The following PKHD1 variants were observed in gnomAD, a reference collection of about 807,000 sequenced individuals.
The protein encoded by PKHD1 is PKHD1 ciliary IPT domain containing fibrocystin/polyductin.
A neutral mutation model predicts 412.0 loss-of-function variants in PKHD1; 291 were observed. That is an observed-to-expected ratio of 0.71 (90% CI 0.64 to 0.78). The LOEUF is 0.78. PKHD1 is among the 30% of genes least tolerant of loss of function. PKHD1 has a pLI of 0.00. For synonymous variants in PKHD1, 1,777 were observed against 1,821.5 expected, an observed-to-expected ratio of 0.98 and a Z score of 0.62; for missense variants, 4,825 against 4,950.7, an observed-to-expected ratio of 0.97 and a Z score of 0.76.
Position 51,659,483 on chromosome 6 carries a change from T to G in PKHD1, c.10643A>C (p.Gln3548Pro), listed in dbSNP as rs781344865. ...IMDNLLYVVLQGEEPIEIRSG... is the reference protein window; with the variant it reads ...IMDNLLYVVLPGEEPIEIRSG... The stretch of plus-strand genomic sequence containing the variant: ...GCGTATTTCAATGGGCTCCTCTCCT[T>G]GTAGGACAACATACAAGAGGTTATC... The change falls in exon 61 of 67, where the codon CAA becomes CCA. Residue 3548 changes from glutamine to proline, a missense_variant. Gln to Pro is a moderately conservative substitution (Grantham distance 76). Transcript: ENST00000371117. 6.2e-6 allele frequency: 10 copies of G among 1,613,518 alleles called. No homozygotes were observed. The highest frequency in any genetic ancestry group is 8.5e-6 in the Non-Finnish European group (10 of 1,179,796).
At chr6:51,938,914 A>C (rs1348491926) in intron 36 of PKHD1, among the ~76,000 whole-genome samples, 2 of 151,472 alleles carry the variant, frequency 1.3e-5, no homozygotes, top group South Asian at 2.1e-4. Context: ...CCACACTTCA[A>C]TCTCTCTCTT....
chr6:51,928,371 A>T (rs1786022243), intron 37 of PKHD1, among the ~76,000 whole-genome samples: 2 of 152,192 alleles, frequency 1.3e-5, no homozygotes, highest in South Asian at 4.1e-4. Context: ...AATAAAATCT[A>T]TTCTGAGTCA....
At chr6:51,794,998 T>C (rs1254202767) in intron 52 of PKHD1, among the ~76,000 whole-genome samples, 1 of 152,232 alleles carries the variant, frequency 6.6e-6, no homozygotes, top group Non-Finnish European at 1.5e-5. Flanking sequence ...AGGATTGCCT[T>C]GGCTATTCGG....
chr6:51,897,542 C>T (rs1432278562), intron 43 of PKHD1, among the ~76,000 whole-genome samples: 2 of 143,968 alleles, frequency 1.4e-5, no homozygotes, highest in Middle Eastern at 6.4e-3. Flanking sequence ...ACAACCGGTA[C>T]CAGCCACTGC....
At chr6:52,048,127 AGTGT>A (rs900183756) in intron 23 of PKHD1, among the ~76,000 whole-genome samples, 3 of 152,308 alleles carry the variant, frequency 2.0e-5, no homozygotes, top group Middle Eastern at 6.8e-3. Flanking sequence ...ACTTCACAGG[AGTGT>A]GGCCCTGCCG....
intron 43 of PKHD1, among the ~76,000 whole-genome samples, chr6:51,893,700 A>C (rs565817877): frequency 6.6e-6 from 1 of 152,210 alleles, no homozygotes. Context: ...TCCAGAGAGA[A>C]ATTAACTGCC....
At chr6:51,979,288 G>C (rs574677038) in intron 35 of PKHD1, among the ~76,000 whole-genome samples, 1 of 152,286 alleles carries the variant, frequency 6.6e-6, no homozygotes, top group South Asian at 2.1e-4. Flanking sequence ...CTTCTTGACT[G>C]TAGGCTCCAT....
intron 35 of PKHD1, among the ~76,000 whole-genome samples, chr6:51,994,262 G>A (rs867901873): frequency 2.6e-5 from 4 of 152,042 alleles, no homozygotes; most frequent in African/African-American, 7.2e-5. Flanking sequence ...AGCCTCCCGG[G>A]TAGCTGGGAC....
In PKHD1 at chr6:52,056,224, A is replaced by G. The variant is rs572557912; in HGVS notation, c.1693+474T>C. On this transcript the variant is annotated intron_variant, in intron 18 of 66. Coordinates refer to ENST00000371117, the MANE Select transcript of PKHD1 (RefSeq NM_138694.4). ...CGGAAAACTATTGAGAAGCAAAAAG[A>G]CAAGGAATATCAAGATGGAAGAGGT... is the stretch of plus-strand genomic sequence containing the variant. 1.5e-4 allele frequency among the ~76,000 whole-genome samples: 23 copies of G among 152,354 alleles called. 1 individual carries two copies. The South Asian group carries it at 4.8e-3, about 32-fold the overall frequency.
rs181129784 is a variant in PKHD1 at position 51,682,236 on chromosome 6, C to T, written c.10157-22267G>A. ...CATAAGGGAACTCTTCTTTTGTCCCCAGGAGACCTAGGATGAAAACAGAAA... is the reference window on the plus strand; with the variant it reads ...CATAAGGGAACTCTTCTTTTGTCCCTAGGAGACCTAGGATGAAAACAGAAA... On this transcript the variant is annotated intron_variant, in intron 60 of 66. Coordinates refer to ENST00000371117, the MANE Select transcript of PKHD1 (RefSeq NM_138694.4). 2.0e-5 allele frequency: 9 copies of T among 455,712 alleles called. No individual in the cohort carries two copies. The Admixed American group carries it at 2.1e-4, about 11-fold the overall frequency. The allele number at this position is 455,712 out of a possible 1,614,324, so 28.2% of individuals were successfully genotyped here.
chr6:51,836,340 T>C (rs1259029120), intron 51 of PKHD1, 64 bp downstream of exon 51: 1 of 1,060,134 alleles, frequency 9.4e-7, no homozygotes, highest in Non-Finnish European at 1.5e-6. Context: ...AAGGTGGAAT[T>C]TGTAGAACTA....
intron 54 of PKHD1, among the ~76,000 whole-genome samples, chr6:51,774,367 C>T (rs759315465): frequency 2.0e-5 from 3 of 151,878 alleles, no homozygotes; most frequent in Non-Finnish European, 2.9e-5. Context: ...CTAGTTTGAC[C>T]GTACAGCCAG....
At chr6:51,742,750 T>C (rs147590350) in intron 60 of PKHD1, among the ~76,000 whole-genome samples, 185 of 152,218 alleles carry the variant, frequency 1.2e-3, no homozygotes, top group South Asian at 7.7e-3. Context: ...GGATAAACAG[T>C]ACATTAACAT....
chr6:51,897,004 G>A (rs199942622), intron 43 of PKHD1, among the ~76,000 whole-genome samples: 2,728 of 151,260 alleles, frequency 0.018, 62 homozygotes, highest in African/African-American at 0.049. Context: ...CAAGAAATAT[G>A]GGACTATGTG....
chr6:51,651,647 T>C (rs1350583849), intron 61 of PKHD1, among the ~76,000 whole-genome samples: 1 of 152,146 alleles, frequency 6.6e-6, no homozygotes, highest in African/African-American at 2.4e-5. Context: ...ACCCAATTAA[T>C]ACCTCAGCAC....
chr6:51,702,168 ATG>A (rs1779499381), intron 60 of PKHD1, among the ~76,000 whole-genome samples: 1 of 146,946 alleles, frequency 6.8e-6, no homozygotes, highest in African/African-American at 2.5e-5. Flanking sequence ...TATATATTAT[ATG>A]TATAATATAT....
chr6:51,927,499 A>G (rs1785843729), intron 37 of PKHD1, among the ~76,000 whole-genome samples: 1 of 152,194 alleles, frequency 6.6e-6, no homozygotes, highest in Admixed American at 6.5e-5. Flanking sequence ...ATCCTGAGAG[A>G]TGGGGATGAG....
intron 28 of PKHD1, 98 bp from the exon 29 acceptor site, chr6:52,033,263 A>G (rs1326821756): frequency 2.0e-6 from 2 of 996,018 alleles, no homozygotes; most frequent in East Asian, 2.6e-5. Flanking sequence ...TTAAAAGTTA[A>G]TTTTAAGAAA....
chr6:51,900,130 C>G (rs1311137138), intron 43 of PKHD1, among the ~76,000 whole-genome samples: 1 of 152,182 alleles, frequency 6.6e-6, no homozygotes, highest in East Asian at 1.9e-4. Flanking sequence ...CCCCATCAAG[C>G]TACCAAGGAC....
Sources: gnomAD v4.1 joint callset for allele counts (sites outside exome capture counted in the v4.1 genomes callset) on GRCh38, gnomAD v4.1.1 for gene constraint, MANE v1.5 for transcripts, NCBI Gene and HGNC (gene_info 2026-07-23, HGNC 2026-07-21) for gene names.